The following FTO variants were observed in gnomAD, a reference collection of about 807,000 sequenced individuals.
The protein encoded by FTO is FTO alpha-ketoglutarate dependent dioxygenase.
In FTO, 47 loss-of-function variants were observed where a neutral mutation model predicts 63.9. That is an observed-to-expected ratio of 0.74 (90% CI 0.58 to 0.94). FTO has a LOEUF of 0.94. Ranked by LOEUF, FTO falls within the 40% of genes least tolerant of loss-of-function variation. The probability of loss-of-function intolerance (pLI) is 0.00; values close to 1 mark genes in which losing one functional copy is unlikely to be tolerated. For synonymous variants in FTO, 207 were observed against 224.4 expected, an observed-to-expected ratio of 0.92 and a Z score of 0.69; for missense variants, 562 against 618.1, an observed-to-expected ratio of 0.91 and a Z score of 0.96.
intron 8 of FTO, among the ~76,000 whole-genome samples, chr16:54,090,944 C>A (rs1371681205): frequency 1.3e-5 from 2 of 152,192 alleles, no homozygotes; most frequent in Admixed American, 6.5e-5. Flanking sequence ...TGTGGGCTCT[C>A]CAGCAGGGCA....
chr16:53,727,728 T>C (rs2076183797), intron 1 of FTO, among the ~76,000 whole-genome samples: 1 of 152,200 alleles, frequency 6.6e-6, no homozygotes, highest in Non-Finnish European at 1.5e-5. Flanking sequence ...TTAGTTTTGC[T>C]TCTGCCATTT....
intron 8 of FTO, among the ~76,000 whole-genome samples, chr16:54,104,565 C>T (rs574217967): frequency 2.9e-4 from 44 of 152,180 alleles, no homozygotes; most frequent in Non-Finnish European, 5.1e-4. Flanking sequence ...CCCACCTCAG[C>T]CTCCCAAAGT....
chr16:54,107,843 C>G (rs1442383580), intron 8 of FTO, among the ~76,000 whole-genome samples: 1 of 152,206 alleles, frequency 6.6e-6, no homozygotes, highest in African/African-American at 2.4e-5. Flanking sequence ...CATCACACAT[C>G]CTAATTGTTC....
intron 4 of FTO, among the ~76,000 whole-genome samples, chr16:53,862,538 CTT>C (rs371654853): frequency 1.0e-4 from 13 of 130,358 alleles, no homozygotes; most frequent in Non-Finnish European, 1.3e-4. Flanking sequence ...CTGTATCTTA[CTT>C]TTTTTTTTTT....
At chr16:54,088,528 T>C (rs1275524032) in intron 8 of FTO, among the ~76,000 whole-genome samples, 1 of 152,214 alleles carries the variant, frequency 6.6e-6, no homozygotes, top group Admixed American at 6.5e-5. Context: ...AACACTCTTT[T>C]AATGTTTTCT....
chr16:54,060,494 G>A (rs1243075074), intron 8 of FTO, among the ~76,000 whole-genome samples: 2 of 152,148 alleles, frequency 1.3e-5, no homozygotes, highest in African/African-American at 4.8e-5. Context: ...TACAGACGGG[G>A]AAACTAAGGT....
chr16:53,767,324 T>G (rs910161137), intron 1 of FTO, among the ~76,000 whole-genome samples: 13 of 152,214 alleles, frequency 8.5e-5, no homozygotes, highest in African/African-American at 3.1e-4. Flanking sequence ...CTGTTTAGAA[T>G]TATTTTCTTA....
chr16:53,794,694 T>C (rs2078015266), intron 1 of FTO, among the ~76,000 whole-genome samples: 2 of 152,172 alleles, frequency 1.3e-5, no homozygotes, highest in African/African-American at 4.8e-5. Context: ...TCAGGCTGAC[T>C]GTGAGGAGAC....
intron 8 of FTO, among the ~76,000 whole-genome samples, chr16:54,092,636 C>T (rs945347538): frequency 1.3e-5 from 2 of 152,204 alleles, no homozygotes; most frequent in South Asian, 2.1e-4. Flanking sequence ...CAGACCCACT[C>T]GCTGCCTCCC....
chr16:53,973,783 G>A (rs1318318361), intron 8 of FTO, among the ~76,000 whole-genome samples: 1 of 152,188 alleles, frequency 6.6e-6, no homozygotes, highest in Non-Finnish European at 1.5e-5. Flanking sequence ...AATGCATATC[G>A]TGATTGGTTG....
chr16:53,965,852 T>G (rs16952702), intron 8 of FTO: 1 of 151,716 alleles, frequency 6.6e-6, no homozygotes, highest in Non-Finnish European at 1.5e-5. Context: ...GCCAACCTTA[T>G]AGAGTAATTT....
chr16:53,960,734 C>T (rs2083058199), intron 8 of FTO, among the ~76,000 whole-genome samples: 1 of 151,790 alleles, frequency 6.6e-6, no homozygotes, highest in Non-Finnish European at 1.5e-5. Flanking sequence ...GGCGCGGTTA[C>T]CTGAGATAAA....
intron 8 of FTO, among the ~76,000 whole-genome samples, chr16:54,014,723 CAGA>C (rs2084396412): frequency 6.6e-6 from 1 of 152,030 alleles, no homozygotes; most frequent in Non-Finnish European, 1.5e-5. Context: ...AACTCCACTG[CAGA>C]AGGCCATTCT....
intron 1 of FTO, among the ~76,000 whole-genome samples, chr16:53,760,641 T>C (rs1487349252): frequency 8.0e-5 from 12 of 149,184 alleles, no homozygotes; most frequent in South Asian, 4.3e-4. Flanking sequence ...TTTTTTTTTT[T>C]CCTGAGACTG....
At position 53,927,137 on chromosome 16, in the gene FTO, A is replaced by G. The variant is rs752432120; in HGVS notation, c.1240-6848A>G. On this transcript the variant is annotated intron_variant, in intron 7 of 8. Transcript: ENST00000471389. ...TTAATGAAAGGGGTGAGATGGACAC[A>G]GACAGATCAGTTTGGAGGCCATTAC... 3.9e-5 allele frequency among the ~76,000 whole-genome samples: 6 copies of G among 152,346 alleles called. No homozygotes were observed. The South Asian group carries it at 1.0e-3, about 26-fold the overall frequency.
chr16:53,704,485 T>G (rs1461994227), intron 1 of FTO, among the ~76,000 whole-genome samples: 1 of 152,216 alleles, frequency 6.6e-6, no homozygotes, highest in East Asian at 1.9e-4. Context: ...TCTGCATCTA[T>G]TCCTTGGTTA....
At chr16:53,951,533 CA>C (rs11344564) in intron 8 of FTO, among the ~76,000 whole-genome samples, 79,136 of 152,010 alleles carry the variant, frequency 0.52, 21,614 homozygotes, top group Middle Eastern at 0.64. Flanking sequence ...GCGTGGCACA[CA>C]AGATGATTCT....
chr16:53,880,069 A>C (rs2080781848), intron 6 of FTO, 82 bp downstream of exon 6: 1 of 1,003,684 alleles, frequency 1.0e-6, no homozygotes, highest in African/African-American at 1.6e-5. Context: ...ACCTCGGCTC[A>C]CTACAACCTC....
At chr16:54,022,364 A>G (rs565132454) in intron 8 of FTO, among the ~76,000 whole-genome samples, 5 of 152,312 alleles carry the variant, frequency 3.3e-5, no homozygotes, top group Admixed American at 1.3e-4. Context: ...AAGAAGAAAG[A>G]TGGATAAAAT....
Sources: gnomAD v4.1 joint callset for allele counts (sites outside exome capture counted in the v4.1 genomes callset) on GRCh38, gnomAD v4.1.1 for gene constraint, MANE v1.5 for transcripts, NCBI Gene and HGNC (gene_info 2026-07-23, HGNC 2026-07-21) for gene names.